FERMT2: variants seen among roughly 807,000 people sequenced by gnomAD.
The protein encoded by FERMT2 is fermitin family homolog 2.
A neutral mutation model predicts 82.7 loss-of-function variants in FERMT2; 15 were observed. That is an observed-to-expected ratio of 0.18 (90% CI 0.12 to 0.28). The LOEUF (loss-of-function observed/expected upper bound fraction) is 0.28, where lower values mean the gene tolerates loss of function less well. FERMT2 is among the 10% of genes least tolerant of loss of function. The pLI is 1.00. For synonymous variants in FERMT2, 274 were observed against 271.5 expected (o/e 1.01, Z -0.09); for missense variants, 645 against 809.4 (o/e 0.80, Z 2.46).
intron 10 of FERMT2, among the ~76,000 whole-genome samples, chr14:52,869,306 T>C (rs1292770362): frequency 6.6e-6 from 1 of 152,216 alleles, no homozygotes; most frequent in Non-Finnish European, 1.5e-5. Context: ...GGACTGAGTT[T>C]TTCTATTTTT....
chr14:52,909,166 G>C lies in FERMT2; in HGVS notation c.391+9957C>G, dbSNP rs139806449. Among the ~76,000 whole-genome samples the C allele has an allele frequency of 3.5e-3, 532 of 152,318 alleles. 1 individual carries two copies. Among genetic ancestry groups the C allele is most frequent in the Middle Eastern group, 6.8e-3 (2 of 294 alleles). On this transcript the variant is annotated intron_variant, in intron 3 of 14. Transcript: ENST00000341590. ...GAGAGAGAGGTGCCTCCTGAATGCA[G>C]CTCTAGGTTGAGCACCCCTAACCTT...
chr14:52,880,071 G>A (rs1396205640), intron 6 of FERMT2, among the ~76,000 whole-genome samples: 1 of 152,092 alleles, frequency 6.6e-6, no homozygotes, highest in Non-Finnish European at 1.5e-5. Flanking sequence ...AGACCAGCTT[G>A]GGTGAAATAG....
At chr14:52,907,127 C>G (rs577971891) in intron 3 of FERMT2, among the ~76,000 whole-genome samples, 7 of 152,186 alleles carry the variant, frequency 4.6e-5, no homozygotes, top group Non-Finnish European at 1.0e-4. Context: ...ATCCTCCCCG[C>G]TTAACCTCCT....
intron 2 of FERMT2, chr14:52,928,499 C>T (rs1480437179): frequency 6.6e-6 from 1 of 152,352 alleles, no homozygotes; most frequent in African/African-American, 2.4e-5. Flanking sequence ...GCCATGCAGA[C>T]TCAGCAGACC....
At chr14:52,939,768 G>A (rs1890011453) in intron 2 of FERMT2, among the ~76,000 whole-genome samples, 1 of 152,022 alleles carries the variant, frequency 6.6e-6, no homozygotes, top group South Asian at 2.1e-4. Flanking sequence ...TTGCCACCTT[G>A]CATAAGACTT....
chr14:52,890,699 G>C (rs1886890789), intron 4 of FERMT2, among the ~76,000 whole-genome samples: 1 of 151,020 alleles, frequency 6.6e-6, no homozygotes, highest in East Asian at 2.0e-4. Context: ...CGCCTCCCAG[G>C]TTCAAGCGAT....
intron 4 of FERMT2, among the ~76,000 whole-genome samples, chr14:52,887,076 C>G (rs1225564081): frequency 1.3e-5 from 2 of 151,256 alleles, no homozygotes; most frequent in Non-Finnish European, 2.9e-5. Context: ...GCATGTGATA[C>G]TTTTGTACTT....
rs535388230 is a variant in FERMT2 at position 52,869,280 on chromosome 14, A to G, written c.1273+3519T>C. 1.8e-3 allele frequency among the ~76,000 whole-genome samples: 270 copies of G among 152,332 alleles called. 1 individual carries two copies. Among genetic ancestry groups the G allele is most frequent in the African/African-American group, 5.7e-3 (236 of 41,570 alleles). On this transcript the variant is annotated intron_variant, in intron 10 of 14. Coordinates refer to ENST00000341590, the MANE Select transcript of FERMT2 (RefSeq NM_006832.3). ...TTACAGAATTCCAAAATGTGGGAAT[A>G]GCAATTGTTTACCCAGGACTGAGTT... is the stretch of plus-strand genomic sequence containing the variant.
chr14:52,881,811 T>G (rs988697099), intron 4 of FERMT2: 2 of 1,301,276 alleles, frequency 1.5e-6, no homozygotes, highest in Admixed American at 4.6e-5. Flanking sequence ...AGAGGGCCAA[T>G]GTAAAGAACA....
intron 3 of FERMT2, among the ~76,000 whole-genome samples, chr14:52,905,567 G>GATGGAGAGAC (rs1887956900): frequency 6.6e-6 from 1 of 152,214 alleles, no homozygotes; most frequent in Admixed American, 6.5e-5. Context: ...GGAGGGTGGA[G>GATGGAGAGAC]ATGGAGAGAC....
At chr14:52,936,723 C>A (rs1162613323) in intron 2 of FERMT2, among the ~76,000 whole-genome samples, 1 of 152,172 alleles carries the variant, frequency 6.6e-6, no homozygotes, top group African/African-American at 2.4e-5. Flanking sequence ...AATTCCTACT[C>A]TCAGATCTCA....
intron 3 of FERMT2, among the ~76,000 whole-genome samples, chr14:52,899,660 G>C (rs1405907952): frequency 6.6e-6 from 1 of 152,180 alleles, no homozygotes; most frequent in Non-Finnish European, 1.5e-5. Context: ...TCTAATGGTA[G>C]GTAGTTCCAT....
intron 3 of FERMT2, among the ~76,000 whole-genome samples, chr14:52,904,892 A>C (rs1231999392): frequency 6.6e-6 from 1 of 152,098 alleles, no homozygotes; most frequent in East Asian, 1.9e-4. Flanking sequence ...GTTATAATAA[A>C]GAAGAAAGGG....
chr14:52,947,955 A>C (rs1432135982), intron 2 of FERMT2, among the ~76,000 whole-genome samples: 2 of 152,236 alleles, frequency 1.3e-5, no homozygotes, highest in Admixed American at 1.3e-4. Flanking sequence ...TTTGGTATTC[A>C]TATACCGTCC....
chr14:52,886,219 T>C (rs1886594055), intron 4 of FERMT2, among the ~76,000 whole-genome samples: 2 of 151,964 alleles, frequency 1.3e-5, no homozygotes, highest in East Asian at 1.9e-4. Context: ...ATGTAGGAAA[T>C]GGGGCATTTT....
At chr14:52,878,027 T>C in intron 7 of FERMT2, among the ~76,000 whole-genome samples, 1 of 152,204 alleles carries the variant, frequency 6.6e-6, no homozygotes, top group Non-Finnish European at 1.5e-5. Context: ...GGAGGTGGTA[T>C]GTAAGAACCA....
intron 4 of FERMT2, among the ~76,000 whole-genome samples, chr14:52,885,064 G>A (rs549344176): frequency 6.6e-5 from 10 of 151,882 alleles, no homozygotes; most frequent in South Asian, 4.2e-4. Flanking sequence ...TGTAATGCCC[G>A]CACTTTGAGA....
intron 2 of FERMT2, among the ~76,000 whole-genome samples, chr14:52,929,858 G>GATT (rs1889481944): frequency 6.6e-6 from 1 of 152,032 alleles, no homozygotes; most frequent in Non-Finnish European, 1.5e-5. Context: ...TTTCCTAATA[G>GATT]ATTATAAACT....
rs754358628 is a variant in FERMT2, at chr14:52,864,565, T to C, written c.1438A>G (p.Met480Val). ...TCTAAGTTGTAAGAACTGTCCGCCA[T>C]GGTCTTGCCTTTGGAGGCTAATCTG... ...ACRLASKGKTMADSSYNLEVQ... is the reference protein window; with the variant it reads ...ACRLASKGKTVADSSYNLEVQ... Residue 480 changes from methionine (M) to valine (V), a missense_variant, in exon 12 of 15, where the codon ATG becomes GTG. Transcript: ENST00000341590. The C allele has an allele frequency of 8.7e-6, 14 of 1,614,208 alleles. No individual in the cohort carries two copies. Among genetic ancestry groups the C allele is most frequent in the Non-Finnish European group, 1.2e-5 (14 of 1,180,028 alleles).
Sources: allele counts gnomAD v4.1 joint callset (sites outside exome capture counted in the v4.1 genomes callset), GRCh38; gene constraint gnomAD v4.1.1; transcripts MANE v1.5; gene names NCBI Gene and HGNC (gene_info 2026-07-23, HGNC 2026-07-21).